Variants in CLDN16 observed in about 807,000 individuals in gnomAD.
The protein encoded by CLDN16 is claudin 16, also known as claudin-16.
Under a neutral mutation model 24.6 loss-of-function variants are expected in CLDN16, and 13 were observed. That is an observed-to-expected ratio of 0.53 (90% CI 0.34 to 0.84). The LOEUF (loss-of-function observed/expected upper bound fraction) is 0.84. Among genes scored for constraint, CLDN16 ranks in the 40% least tolerant of loss-of-function variants. The probability of loss-of-function intolerance (pLI) is 0.01; values close to 1 mark genes in which losing one functional copy is unlikely to be tolerated. For synonymous variants in CLDN16, 116 were observed against 106.7 expected (o/e 1.09, Z -0.54); for missense variants, 298 against 292.7 (o/e 1.02, Z -0.13).
At chr3:190,400,699 A>T (rs1188377324) in intron 1 of CLDN16, among the ~76,000 whole-genome samples, 4 of 151,876 alleles carry the variant, frequency 2.6e-5, no homozygotes, top group African/African-American at 9.7e-5. Flanking sequence ...GATATACCAT[A>T]TTGTATTTAC....
At chr3:190,407,437 A>G (rs770605033) in intron 3 of CLDN16, among the ~76,000 whole-genome samples, 89 of 152,180 alleles carry the variant, frequency 5.8e-4, no homozygotes, top group Non-Finnish European at 1.9e-4. Flanking sequence ...AGACTTAGAC[A>G]ACATATAGAT....
intron 1 of CLDN16, among the ~76,000 whole-genome samples, chr3:190,362,579 G>A (rs914745847): frequency 6.6e-6 from 1 of 151,968 alleles, no homozygotes; most frequent in East Asian, 1.9e-4. Context: ...TTTCTCCATT[G>A]CAATTCCCGT....
At chr3:190,299,736 T>C in the CLDN16 span, among the ~76,000 whole-genome samples, 87 of 152,342 alleles carry the variant, frequency 5.7e-4, 1 homozygote, top group Admixed American at 1.7e-3. Context: ...ATTCCATACA[T>C]GCTTAGGTCT....
chr3:190,356,400 A>G (rs1288562871), intron 1 of CLDN16, among the ~76,000 whole-genome samples: 1 of 151,878 alleles, frequency 6.6e-6, no homozygotes, highest in Non-Finnish European at 1.5e-5. Context: ...TACACAAAGC[A>G]TACATACTCA....
chr3:190,361,968 C>T (rs193258896), intron 1 of CLDN16, among the ~76,000 whole-genome samples: 1 of 145,186 alleles, frequency 6.9e-6, no homozygotes, highest in Non-Finnish European at 1.5e-5. Context: ...TGGGGGCTAC[C>T]AGGGATTAGT....
chr3:190,400,613 T>A (rs760180645), intron 1 of CLDN16, among the ~76,000 whole-genome samples: 1 of 152,236 alleles, frequency 6.6e-6, no homozygotes, highest in African/African-American at 2.4e-5. Context: ...TCATTTAACA[T>A]TATTCAGTTC....
intron 1 of CLDN16, among the ~76,000 whole-genome samples, chr3:190,327,065 A>G (rs1459057129): frequency 6.6e-6 from 1 of 152,138 alleles, no homozygotes; most frequent in Non-Finnish European, 1.5e-5. Context: ...GGAGAGAGAG[A>G]GAGAGGAAGG....
chr3:190,316,691 A>G, the CLDN16 span, among the ~76,000 whole-genome samples: 1 of 152,346 alleles, frequency 6.6e-6, no homozygotes, highest in South Asian at 2.1e-4. Flanking sequence ...ATTTCCATCT[A>G]AAGCACCAAG....
chr3:190,304,818 G>A, the CLDN16 span, among the ~76,000 whole-genome samples: 1 of 152,146 alleles, frequency 6.6e-6, no homozygotes, highest in Admixed American at 6.6e-5. Flanking sequence ...GGAATATGGG[G>A]ACAAAGTGAA....
intron 1 of CLDN16, among the ~76,000 whole-genome samples, chr3:190,336,941 C>A (rs1018237624): frequency 6.6e-6 from 1 of 152,196 alleles, no homozygotes; most frequent in African/African-American, 2.4e-5. Context: ...GCTGGATGAA[C>A]AAATATTCCA....
rs1258346631 is a variant in CLDN16 at position 190,410,721 on chromosome 3, T to G, written c.*685T>G. Reference sequence around the variant, plus strand: ...ACAACATAAGGGATCTCCATATTATTTCACCACTATTCTAGCTTTGCTGAT... The same window carrying G: ...ACAACATAAGGGATCTCCATATTATGTCACCACTATTCTAGCTTTGCTGAT... On this transcript the variant is annotated 3_prime_UTR_variant, in exon 5 of 5. Coordinates refer to ENST00000264734, the MANE Select transcript of CLDN16 (RefSeq NM_006580.4). 1 of 152,210 alleles carries G rather than the reference T, an allele frequency of 6.6e-6. No homozygotes were observed. The highest frequency in any genetic ancestry group is 1.5e-5 in the Non-Finnish European group (1 of 68,102). The allele number at this position is 152,210 out of a possible 1,614,324, so 9.4% of individuals were successfully genotyped here. A position where few individuals can be genotyped will look rare whatever the true frequency, so the allele number is the denominator to read the frequency against.
chr3:190,343,176 A>T (rs891371743), intron 1 of CLDN16, among the ~76,000 whole-genome samples: 1 of 152,190 alleles, frequency 6.6e-6, no homozygotes, highest in East Asian at 1.9e-4. Flanking sequence ...TCCAAAGATG[A>T]CATAAAAGTT....
the CLDN16 span, chr3:190,310,302 C>T: frequency 7.1e-7 from 1 of 1,406,008 alleles, no homozygotes. Flanking sequence ...GAACACTGAG[C>T]CTAAATACAC....
the CLDN16 span, among the ~76,000 whole-genome samples, chr3:190,292,465 T>C: frequency 6.6e-6 from 1 of 152,214 alleles, no homozygotes; most frequent in East Asian, 1.9e-4. Context: ...GGGCCTATGA[T>C]GGAAAGGGCT....
chr3:190,365,226 T>C (rs1717995037), intron 1 of CLDN16, among the ~76,000 whole-genome samples: 1 of 151,844 alleles, frequency 6.6e-6, no homozygotes, highest in South Asian at 2.1e-4. Context: ...ACCACTGGCC[T>C]ATGTTCTTTT....
At chr3:190,327,032 A>T (rs1717078358) in intron 1 of CLDN16, among the ~76,000 whole-genome samples, 1 of 152,074 alleles carries the variant, frequency 6.6e-6, no homozygotes, top group Non-Finnish European at 1.5e-5. Flanking sequence ...ACATGTGTGT[A>T]TTTGTGTGTC....
intron 1 of CLDN16, among the ~76,000 whole-genome samples, chr3:190,332,117 G>C (rs1170603308): frequency 6.6e-6 from 1 of 152,120 alleles, no homozygotes; most frequent in East Asian, 1.9e-4. Flanking sequence ...TTCCCATCGT[G>C]CCATGTAATA....
At chr3:190,381,155 C>T (rs1052379514) in intron 3 of CLDN16, among the ~76,000 whole-genome samples, 12 of 151,948 alleles carry the variant, frequency 7.9e-5, no homozygotes, top group Non-Finnish European at 1.3e-4. Flanking sequence ...GTGCAAACAG[C>T]GAGAAAAAGA....
chr3:190,301,500 A>AAAG, the CLDN16 span, among the ~76,000 whole-genome samples: 3 of 146,542 alleles, frequency 2.0e-5, no homozygotes, highest in South Asian at 6.4e-4. Context: ...TCTCAAAAAA[A>AAAG]AAGAAGAAGA....
Sources: gnomAD v4.1 joint callset for allele counts (sites outside exome capture counted in the v4.1 genomes callset) on GRCh38, gnomAD v4.1.1 for gene constraint, MANE v1.5 for transcripts, NCBI Gene and HGNC (gene_info 2026-07-23, HGNC 2026-07-21) for gene names.